Variants in FAM163B observed in about 807,000 individuals in gnomAD.
FAM163B encodes protein FAM163B.
A neutral mutation model predicts 7.6 loss-of-function variants in FAM163B; 4 were observed. That is an observed-to-expected ratio of 0.52 (90% confidence interval 0.26 to 1.20). The LOEUF (loss-of-function observed/expected upper bound fraction) is 1.20, where lower values mean the gene tolerates loss of function less well. Among genes scored for constraint, FAM163B ranks in the 50% most tolerant of loss-of-function variants. The probability of loss-of-function intolerance (pLI) is 0.14; values close to 1 mark genes in which losing one functional copy is unlikely to be tolerated. For missense variants in FAM163B, 250 were observed against 243.0 expected, an observed-to-expected ratio of 1.03 and a Z score of -0.19; for synonymous variants, 120 against 111.6, an observed-to-expected ratio of 1.07 and a Z score of -0.47.
At chr9:133,597,000 C>T (rs1831641910) in intron 1 of FAM163B, among the ~76,000 whole-genome samples, 1 of 152,194 alleles carries the variant, frequency 6.6e-6, no homozygotes, top group African/African-American at 2.4e-5. Flanking sequence ...CAAACTATTT[C>T]CCAATAACTG....
At chr9:133,608,547 C>T (rs965983481) in intron 1 of FAM163B, among the ~76,000 whole-genome samples, 13 of 152,306 alleles carry the variant, frequency 8.5e-5, no homozygotes, top group Middle Eastern at 3.4e-3. Context: ...CCACCACTTC[C>T]CCACTCTGTG....
In FAM163B at chr9:133,601,942, G is replaced by A. The variant is rs963268717; in HGVS notation, c.-24+7135C>T. On this transcript the variant is annotated intron_variant, in intron 1 of 2. Transcript: ENST00000673969. This position sits in a 1 kb window ranked among gnomAD's most constrained non-coding sequence, Gnocchi z 4.1. ...GAAACAGGCAGTAGCCAGCACACAG[G>A]AGTGCTGCAGGGAGGACCAGCAGGG... 9.9e-5 allele frequency among the ~76,000 whole-genome samples: 15 copies of A among 152,222 alleles called. No homozygotes were observed. Among genetic ancestry groups the A allele is most frequent in the Admixed American group, 3.3e-4 (5 of 15,292 alleles).
chr9:133,584,331 G>A (rs1448605021), intron 1 of FAM163B, among the ~76,000 whole-genome samples: 4 of 152,090 alleles, frequency 2.6e-5, no homozygotes, highest in African/African-American at 7.2e-5. Flanking sequence ...CTACTCTTGC[G>A]GGTGACCTTG....
At chr9:133,590,470 G>A (rs372719790) in intron 1 of FAM163B, among the ~76,000 whole-genome samples, 19 of 152,078 alleles carry the variant, frequency 1.2e-4, no homozygotes, top group South Asian at 1.2e-3. Context: ...CACAGCCGGC[G>A]CAGGCACTTT....
intron 1 of FAM163B, among the ~76,000 whole-genome samples, chr9:133,592,440 C>T (rs536832405): frequency 3.3e-5 from 5 of 152,294 alleles, no homozygotes; most frequent in Admixed American, 1.3e-4. Flanking sequence ...AATGTCCACC[C>T]CACTGGTCAG....
chr9:133,579,164 C>G lies in FAM163B; in HGVS notation c.359G>C (p.Arg120Pro), dbSNP rs776624508. ...EEEDVLNGGERVLYKSVSQED... is the reference protein window; with the variant it reads ...EEEDVLNGGEPVLYKSVSQED... Reference sequence around the variant, plus strand: ...CTGGCTCACGCTCTTGTAGAGCACGCGCTCCCCGCCGTTCAGCACGTCCTC... The same window carrying G: ...CTGGCTCACGCTCTTGTAGAGCACGGGCTCCCCGCCGTTCAGCACGTCCTC... Residue 120 changes from arginine (R) to proline (P), a missense_variant, in exon 3 of 3, where the codon CGC becomes CCC. Arg to Pro is a moderately radical substitution (Grantham distance 103, BLOSUM62 -2). Coordinates refer to ENST00000673969, the MANE Select transcript of FAM163B (RefSeq NM_001080515.3). 2 of 1,610,404 alleles carry G rather than the reference C, an allele frequency of 1.2e-6. No homozygotes were observed. Among genetic ancestry groups the G allele is most frequent in the Non-Finnish European group, 1.7e-6 (2 of 1,179,768 alleles).
At chr9:133,593,043 T>C (rs574504980) in intron 1 of FAM163B, among the ~76,000 whole-genome samples, 215 of 152,248 alleles carry the variant, frequency 1.4e-3, no homozygotes, top group African/African-American at 5.1e-3. Flanking sequence ...GGAACGCGTG[T>C]GAGTGCCGTG....
In FAM163B at chr9:133,609,332, G is replaced by A. The variant is rs2131268801; in HGVS notation, c.-279C>T. On this transcript the variant is annotated 5_prime_UTR_variant, in exon 1 of 3. Transcript: ENST00000673969. ...GGCCGCGACTCCGGACGCCCCGGCTGGCTCCCTGCGAGCTGCACGCGCGGC... is the reference window on the plus strand; with the variant it reads ...GGCCGCGACTCCGGACGCCCCGGCTAGCTCCCTGCGAGCTGCACGCGCGGC... Among the ~76,000 whole-genome samples the A allele has an allele frequency of 6.7e-6, 1 of 149,682 alleles. No individual in the cohort carries two copies. Among genetic ancestry groups the A allele is most frequent in the East Asian group, 1.9e-4 (1 of 5,138 alleles).
At position 133,600,122 on chromosome 9, in the gene FAM163B, ATGTG is replaced by A. The variant is rs1276014160; in HGVS notation, c.-24+8951_-24+8954del. ...CTCTGAATGTGTGTGGTCTATGTGTATGTGTGTCTGTGTGCGTGTGTGAATGTAT... is the reference window on the plus strand; with the variant it reads ...CTCTGAATGTGTGTGGTCTATGTGTATGTCTGTGTGCGTGTGTGAATGTAT... On this transcript the variant is annotated intron_variant, in intron 1 of 2. Coordinates refer to ENST00000673969, the MANE Select transcript of FAM163B (RefSeq NM_001080515.3). This position sits in a 1 kb window ranked among gnomAD's most constrained non-coding sequence, Gnocchi z 4.9. Among the ~76,000 whole-genome samples, 1 of 138,010 alleles carries A rather than the reference ATGTG, an allele frequency of 7.2e-6. No homozygotes were observed. The highest frequency in any genetic ancestry group is 1.5e-5 in the Non-Finnish European group (1 of 64,880). The allele number at this position is 138,010 out of a possible 152,430, so 90.5% of individuals were successfully genotyped here.
chr9:133,582,278 C>G (rs999527405), intron 1 of FAM163B, among the ~76,000 whole-genome samples: 1 of 152,238 alleles, frequency 6.6e-6, no homozygotes, highest in African/African-American at 2.4e-5. Flanking sequence ...TGCCTTTCTA[C>G]GTGGAAACTT....
chr9:133,577,948 G>A lies in FAM163B; in HGVS notation c.*1074C>T, dbSNP rs1420295040. ...GCTCTGGCTGCTTGGGGTCCACCAGGAGCTGGGCCAGGCCTCCTAGGTCCT... is the reference window on the plus strand; with the variant it reads ...GCTCTGGCTGCTTGGGGTCCACCAGAAGCTGGGCCAGGCCTCCTAGGTCCT... On this transcript the variant is annotated 3_prime_UTR_variant, in exon 3 of 3. Coordinates refer to ENST00000673969, the MANE Select transcript of FAM163B (RefSeq NM_001080515.3). 1.3e-5 allele frequency among the ~76,000 whole-genome samples: 2 copies of A among 152,182 alleles called. No homozygotes were observed. Among genetic ancestry groups the A allele is most frequent in the Non-Finnish European group, 2.9e-5 (2 of 68,018 alleles).
chr9:133,589,688 A>G (rs1025509158), intron 1 of FAM163B, among the ~76,000 whole-genome samples: 1 of 152,006 alleles, frequency 6.6e-6, no homozygotes. Context: ...CGCGGCCCAC[A>G]CTTGCACCGC....
In FAM163B at chr9:133,589,931, G is replaced by C. The variant is rs1020411835; in HGVS notation, c.-23-9685C>G. Among the ~76,000 whole-genome samples the C allele has an allele frequency of 2.0e-5, 3 of 152,038 alleles. No homozygotes were observed. In the South Asian group the frequency reaches 6.2e-4, roughly 32 times the overall value. ...TGGGAGGGTAGGGCCTGAAAACCCC[G>C]GGCAAGTCCCAGCTCAGCTGCCGAC... On this transcript the variant is annotated intron_variant, in intron 1 of 2. Transcript: ENST00000673969.
chr9:133,608,448 CA>C lies in FAM163B; in HGVS notation c.-24+628del, dbSNP rs1831815405. On this transcript the variant is annotated intron_variant, in intron 1 of 2. Transcript: ENST00000673969. Reference sequence around the variant, plus strand: ...CTGAGGAAACCTAGTGTCAGTTAGGCAACCCCCCACCTGTCAATGAAGCAGA... The same window carrying C: ...CTGAGGAAACCTAGTGTCAGTTAGGCACCCCCCACCTGTCAATGAAGCAGA... 5.0e-5 allele frequency among the ~76,000 whole-genome samples: 7 copies of C among 140,268 alleles called. No individual in the cohort carries two copies. The South Asian group carries it at 1.7e-3, about 34-fold the overall frequency. The allele number at this position is 140,268 out of a possible 152,430, so 92.0% of individuals were successfully genotyped here.
intron 2 of FAM163B, among the ~76,000 whole-genome samples, chr9:133,579,900 C>T (rs894503470): frequency 2.6e-5 from 4 of 152,210 alleles, no homozygotes; most frequent in Non-Finnish European, 5.9e-5. Context: ...TGGCTAAGTC[C>T]CTTCCCGTCT....
intron 1 of FAM163B, among the ~76,000 whole-genome samples, chr9:133,598,041 G>C (rs1001985018): frequency 1.3e-5 from 2 of 151,938 alleles, no homozygotes; most frequent in Non-Finnish European, 2.9e-5. Context: ...TTTCTCACTG[G>C]GTTTGGGTCC....
At chr9:133,598,939 C>T (rs1448244533) in intron 1 of FAM163B, among the ~76,000 whole-genome samples, 1 of 152,106 alleles carries the variant, frequency 6.6e-6, no homozygotes, top group Non-Finnish European at 1.5e-5. Flanking sequence ...CTGCCCTCAT[C>T]AGGGAGAGCC....
At chr9:133,598,652 A>G (rs1284141138) in intron 1 of FAM163B, among the ~76,000 whole-genome samples, 4 of 152,030 alleles carry the variant, frequency 2.6e-5, no homozygotes, top group Non-Finnish European at 4.4e-5. Flanking sequence ...CAGGACTGTG[A>G]TGTCAGTGGT....
At chr9:133,594,385 C>G (rs748077353) in intron 1 of FAM163B, among the ~76,000 whole-genome samples, 2 of 152,160 alleles carry the variant, frequency 1.3e-5, no homozygotes, top group Non-Finnish European at 2.9e-5. Flanking sequence ...TCCCAGCCAC[C>G]AACTTTGCAT....
Sources: gnomAD v4.1 joint callset for allele counts (sites outside exome capture counted in the v4.1 genomes callset) on GRCh38, gnomAD v4.1.1 for gene constraint, Gnocchi (gnomAD v3.1) non-coding constraint, MANE v1.5 for transcripts, NCBI Gene and HGNC (gene_info 2026-07-23, HGNC 2026-07-21) for gene names.